Variants in ITPRID2 observed in about 807,000 individuals in gnomAD.
ITPRID2 encodes ITPR interacting domain containing 2.
Under a neutral mutation model 124.3 loss-of-function variants are expected in ITPRID2, and 60 were observed. That is an observed-to-expected ratio of 0.48 (90% CI 0.39 to 0.60). The LOEUF is 0.60. Among genes scored for constraint, ITPRID2 ranks in the 20% least tolerant of loss-of-function variants. The pLI is 0.00. For synonymous variants in ITPRID2, 521 were observed against 542.9 expected (o/e 0.96, Z 0.56); for missense variants, 1,553 against 1,512.2 (o/e 1.03, Z -0.45).
rs550818076 is a variant in ITPRID2 at position 181,923,800 on chromosome 2, AT to A, written c.3675+1389del. 2.3e-3 allele frequency among the ~76,000 whole-genome samples: 345 copies of A among 152,230 alleles called. 3 individuals carry two copies. Among genetic ancestry groups the A allele is most frequent in the African/African-American group, 7.9e-3 (329 of 41,554 alleles). On this transcript the variant is annotated intron_variant, in intron 16 of 17. Transcript: ENST00000431877. ...AATACTCCATTCAATGCACACTTGA[AT>A]CCTCATTTTTAGAATTTTAATGGCC...
At position 181,915,383 on chromosome 2, in the gene ITPRID2, G is replaced by A; in HGVS notation, c.1743G>A (p.Lys581=). The A allele has an allele frequency of 6.2e-7, 1 of 1,614,136 alleles. No homozygotes were observed. The change falls in exon 11 of 18, where the codon AAG becomes AAA. Residue 581 remains lysine (K), a synonymous_variant. Coordinates refer to ENST00000431877, the MANE Select transcript of ITPRID2 (RefSeq NM_001130445.3). ...SLVPLQKGLE[K]AAAVADKRKS... is the part of the protein sequence containing the mutation. ...TCCCTCTTCAGAAGGGACTAGAGAA[G>A]GCAGCAGCAGTTGCAGACAAAAGAA...
intron 9 of ITPRID2, among the ~76,000 whole-genome samples, chr2:181,912,655 AC>A (rs372302386): frequency 3.5e-4 from 54 of 152,258 alleles, no homozygotes; most frequent in African/African-American, 1.3e-3. Context: ...TGGTAAACAC[AC>A]TTTATTTAGC....
In ITPRID2 at chr2:181,895,208, T is replaced by C. The variant is rs376048947; in HGVS notation, c.258-822T>C. On this transcript the variant is annotated intron_variant, in intron 2 of 17. Transcript: ENST00000431877. The stretch of plus-strand genomic sequence containing the variant: ...ATTTTTAACAGCTATAAATTGTTAC[T>C]GAAGAAAGGTGTGCATCACAAAACA... Among the ~76,000 whole-genome samples, 18 of 152,052 alleles carry C rather than the reference T, an allele frequency of 1.2e-4. 1 individual carries two copies. Among genetic ancestry groups the C allele is most frequent in the East Asian group, 7.7e-4 (4 of 5,196 alleles).
At chr2:181,900,631 TGTG>T (rs1409512762) in intron 6 of ITPRID2, 62 bp from the exon 7 acceptor site, 9 of 1,085,786 alleles carry the variant, frequency 8.3e-6, no homozygotes, top group East Asian at 2.4e-5. Flanking sequence ...TCATTTATAA[TGTG>T]GTGTGGACTA....
chr2:181,926,240 G>C (rs1333574293), intron 16 of ITPRID2, among the ~76,000 whole-genome samples: 1 of 152,110 alleles, frequency 6.6e-6, no homozygotes, highest in African/African-American at 2.4e-5. Context: ...CTCCACTCTG[G>C]ATGACACAGC....
At chr2:181,929,466 A>G (rs1165591171) in intron 17 of ITPRID2, 95 bp from the exon 18 acceptor site, 3 of 737,794 alleles carry the variant, frequency 4.1e-6, no homozygotes, top group African/African-American at 3.5e-5. Context: ...TTCTGTGTAT[A>G]TATATTTGCA....
Position 181,922,136 on chromosome 2 carries a change from C to T in ITPRID2, c.3399C>T (p.Ala1133=), listed in dbSNP as rs1212119108. 11 of 1,614,222 alleles carry T rather than the reference C, an allele frequency of 6.8e-6. No homozygotes were observed. Among genetic ancestry groups the T allele is most frequent in the Non-Finnish European group, 9.3e-6 (11 of 1,180,032 alleles). ...ANRRTGVPST[A]SVGKSKTPLV... ...GAAGAACTGGAGTACCTTCTACTGC[C>T]TCAGTGGGCAAATCCAAAACCCCAT... Residue 1133 remains alanine (A), a synonymous_variant, in exon 16 of 18, where the codon GCC becomes GCT. Transcript: ENST00000431877.
chr2:181,903,085 C>G (rs531846283), intron 8 of ITPRID2, among the ~76,000 whole-genome samples: 1 of 152,194 alleles, frequency 6.6e-6, no homozygotes, highest in South Asian at 2.1e-4. Context: ...CAGTAATATA[C>G]CTGATAGTTA....
chr2:181,916,807 G>A, intron 11 of ITPRID2: 1 of 1,007,942 alleles, frequency 9.9e-7, no homozygotes, highest in Non-Finnish European at 1.2e-6. Context: ...TCTGCTATTT[G>A]AACATGTTGA....
Position 181,910,396 on chromosome 2 carries a change from AT to A in ITPRID2, c.1486+431del. The A allele has an allele frequency of 2.0e-6, 1 of 512,772 alleles. No individual in the cohort carries two copies. 31.8% of individuals were successfully genotyped at this position (512,772 alleles called of 1,614,324 possible). On this transcript the variant is annotated intron_variant, in intron 9 of 17. Coordinates refer to ENST00000431877, the MANE Select transcript of ITPRID2 (RefSeq NM_001130445.3). The surrounding 1 kb of genome is among the most constrained non-coding windows in gnomAD (Gnocchi z 4.1). ...AATATTCCTCTAGCAAAACCCACCA[AT>A]TTTTTAGCAATAGTTAAAGCTAGTT...
chr2:181,913,761 A>T, intron 9 of ITPRID2, 84 bp from the exon 10 acceptor site: 1 of 868,544 alleles, frequency 1.2e-6, no homozygotes, highest in Non-Finnish European at 1.8e-6. Flanking sequence ...TCTCTGTAGT[A>T]ATATTGCTCT....
In ITPRID2 at chr2:181,902,145, TG is replaced by T; in HGVS notation, c.1094del (p.Gly365ValfsTer49). 6.2e-7 allele frequency: 1 copy of T among 1,613,666 alleles called. No individual in the cohort carries two copies. The highest frequency in any genetic ancestry group is 8.5e-7 in the Non-Finnish European group (1 of 1,179,782). ...TGGCTACAGTTAAAGAAGAAGTCTC[TG>T]GTAGTTCAGCAGCTGTTACGGAGAA... Reference protein sequence around the residue: ...MLATVKEEVSGSSAAVTENAD... With the variant: ...MLATVKEEVSXSSAAVTENAD... On this transcript the variant is annotated frameshift_variant, in exon 8 of 18. Transcript: ENST00000431877. LOFTEE classifies it high-confidence loss of function. This position sits in a 1 kb window ranked among gnomAD's most constrained non-coding sequence, Gnocchi z 4.4.
rs149363644 is a variant in ITPRID2 at position 181,895,147 on chromosome 2, A to C, written c.258-883A>C. On this transcript the variant is annotated intron_variant, in intron 2 of 17. Coordinates refer to ENST00000431877, the MANE Select transcript of ITPRID2 (RefSeq NM_001130445.3). ...TGGCATTTCAGTAACATTTCCTTGA[A>C]ACTGATATTTTCATGATTGATCCCA... is the stretch of plus-strand genomic sequence containing the variant. Among the ~76,000 whole-genome samples, 727 of 152,124 alleles carry C rather than the reference A, an allele frequency of 4.8e-3. 11 individuals are homozygous for C. The highest frequency in any genetic ancestry group is 0.017 in the African/African-American group (688 of 41,544).
rs892807861 is a variant in ITPRID2, at chr2:181,902,440, C to T, written c.1387C>T (p.Gln463Ter). ...IPSIRNIMTQQKDSFEMEEVQ... is the reference protein window; with the variant it reads ...IPSIRNIMTQ ...ATCCATAAGAAATATAATGACACAGCAGAAGGACTCCTTCGAAATGGAAGA... is the reference window on the plus strand; with the variant it reads ...ATCCATAAGAAATATAATGACACAGTAGAAGGACTCCTTCGAAATGGAAGA... Residue 463 changes from glutamine to a stop codon, truncating the protein, a stop_gained, in exon 8 of 18, where the codon CAG becomes TAG. Transcript: ENST00000431877. LOFTEE classifies it high-confidence loss of function. The surrounding 1 kb of genome is among the most constrained non-coding windows in gnomAD (Gnocchi z 4.4). 1.3e-6 allele frequency: 2 copies of T among 1,575,680 alleles called. No homozygotes were observed. The highest frequency in any genetic ancestry group is 1.7e-6 in the Non-Finnish European group (2 of 1,162,042).
In ITPRID2 at chr2:181,901,867, T is replaced by C. The variant is rs765517256; in HGVS notation, c.814T>C (p.Ser272Pro). ...GTPLQRIGSM[S>P]SVTSNKETDP... ...GCCCCTGCAGAGAATTGGAAGTATG[T>C]CCTCAGTGACCTCTAACAAGGAGAC... The change falls in exon 8 of 18, where the codon TCC becomes CCC. Residue 272 changes from serine to proline, a missense_variant. Transcript: ENST00000431877. The C allele has an allele frequency of 1.2e-6, 2 of 1,613,962 alleles. No individual in the cohort carries two copies. Among genetic ancestry groups the C allele is most frequent in the East Asian group, 2.2e-5 (1 of 44,866 alleles).
intron 16 of ITPRID2, among the ~76,000 whole-genome samples, chr2:181,927,392 G>A (rs1206018538): frequency 6.6e-6 from 1 of 152,180 alleles, no homozygotes; most frequent in Non-Finnish European, 1.5e-5. Flanking sequence ...GAGAGAAAAG[G>A]TGGAGATAGG....
At position 181,910,685 on chromosome 2, in the gene ITPRID2, T is replaced by A. The variant is rs1442159210; in HGVS notation, c.1486+714T>A. The A allele has an allele frequency of 4.3e-5, 28 of 648,090 alleles. No homozygotes were observed. Among genetic ancestry groups the A allele is most frequent in the Non-Finnish European group, 5.6e-5 (20 of 357,606 alleles). 40.1% of individuals were successfully genotyped at this position (648,090 alleles called of 1,614,324 possible). A position where few individuals can be genotyped will look rare whatever the true frequency, so the allele number is the denominator to read the frequency against. On this transcript the variant is annotated intron_variant, in intron 9 of 17. Transcript: ENST00000431877. The surrounding 1 kb of genome is among the most constrained non-coding windows in gnomAD (Gnocchi z 4.1). ...ATGCTGAACCACCCTGTTTTTTTTT[T>A]AAACAAAGATTCGTATGTATGTTCC...
In ITPRID2 at chr2:181,910,112, T is replaced by A. The variant is rs1237789257; in HGVS notation, c.1486+141T>A. 7 of 581,648 alleles carry A rather than the reference T, an allele frequency of 1.2e-5. No homozygotes were observed. The East Asian group carries it at 2.2e-4, about 18-fold the overall frequency. The allele number at this position is 581,648 out of a possible 1,614,324, so 36.0% of individuals were successfully genotyped here. ...ACACACAGGTAGGCATGATTCACTA[T>A]TGTTTGTAGAACTTTTTTTGTATTT... is the stretch of plus-strand genomic sequence containing the variant. On this transcript the variant is annotated intron_variant, in intron 9 of 17. Transcript: ENST00000431877. The surrounding 1 kb of genome is among the most constrained non-coding windows in gnomAD (Gnocchi z 4.1).
intron 11 of ITPRID2, 23 bp downstream of exon 11, chr2:181,916,450 A>G (rs182417883): frequency 2.3e-4 from 374 of 1,596,978 alleles, no homozygotes; most frequent in Non-Finnish European, 3.0e-4. Flanking sequence ...GTATGTTATC[A>G]TTAGCTTTTT....
Sources: allele counts gnomAD v4.1 joint callset (sites outside exome capture counted in the v4.1 genomes callset), GRCh38; gene constraint gnomAD v4.1.1; non-coding constraint Gnocchi (gnomAD v3.1); transcripts MANE v1.5; gene names NCBI Gene and HGNC (gene_info 2026-07-23, HGNC 2026-07-21).